METAP2: variants seen among roughly 807,000 people sequenced by gnomAD.
METAP2 encodes the protein methionyl aminopeptidase 2.
METAP2 carries 25 observed loss-of-function variants against 59.4 expected under a neutral mutation model. The ratio of observed to expected loss-of-function variants is 0.42; its 90% CI spans 0.31 to 0.59. METAP2 has a LOEUF of 0.59. Ranked by LOEUF, METAP2 falls within the 20% of genes least tolerant of loss-of-function variation. METAP2 has a pLI of 0.16. For synonymous variants in METAP2, 214 were observed against 194.1 expected (o/e 1.10, Z -0.85); for missense variants, 366 against 581.2 (o/e 0.63, Z 3.81).
chr12:95,498,072 G>A (rs1479573975), intron 7 of METAP2, among the ~76,000 whole-genome samples: 1 of 151,420 alleles, frequency 6.6e-6, no homozygotes, highest in Non-Finnish European at 1.5e-5. Context: ...GGCGGAGCTT[G>A]CAGTGAGCCG....
chr12:95,497,047 A>G (rs747607804), intron 7 of METAP2, among the ~76,000 whole-genome samples: 49 of 149,670 alleles, frequency 3.3e-4, no homozygotes, highest in Admixed American at 6.6e-4. Context: ...CTGGTCTCAA[A>G]CTCCTGATCT....
chr12:95,503,658 C>A (rs752553287), intron 7 of METAP2, among the ~76,000 whole-genome samples: 3 of 152,146 alleles, frequency 2.0e-5, no homozygotes, highest in Non-Finnish European at 4.4e-5. Flanking sequence ...CTCCCATACC[C>A]CCAAGCTGTG....
intron 4 of METAP2, among the ~76,000 whole-genome samples, chr12:95,492,731 AT>A (rs949848576): frequency 2.0e-5 from 3 of 151,642 alleles, no homozygotes; most frequent in Non-Finnish European, 4.4e-5. Context: ...CGCCCAGCTA[AT>A]TTTTTTTGGT....
rs150650104 is a variant in METAP2, at chr12:95,480,511, G to A, written c.260-2704G>A. Among the ~76,000 whole-genome samples, 17 of 152,224 alleles carry A rather than the reference G, an allele frequency of 1.1e-4. No homozygotes were observed. In the East Asian group the frequency reaches 2.7e-3, roughly 24 times the overall value. On this transcript the variant is annotated intron_variant, in intron 2 of 10. Coordinates refer to ENST00000323666, the MANE Select transcript of METAP2 (RefSeq NM_006838.4). ...AATGGTTGAGAGTTTCAGGTTGTTC[G>A]TATCCTTGTAAGGACTTGGTATTTG...
At chr12:95,486,340 A>C (rs951775332) in intron 4 of METAP2, among the ~76,000 whole-genome samples, 5 of 152,054 alleles carry the variant, frequency 3.3e-5, no homozygotes, top group African/African-American at 1.2e-4. Flanking sequence ...TTTCTGAGTG[A>C]TATAAGGGTT....
intron 1 of METAP2, among the ~76,000 whole-genome samples, chr12:95,474,900 T>A (rs578221013): frequency 3.9e-5 from 6 of 152,218 alleles, no homozygotes; most frequent in Admixed American, 1.3e-4. Context: ...ATTGCAGAAT[T>A]TGTGGTGGTG....
chr12:95,502,045 C>G (rs1815117123), intron 7 of METAP2, among the ~76,000 whole-genome samples: 1 of 149,852 alleles, frequency 6.7e-6, no homozygotes, highest in Non-Finnish European at 1.5e-5. Flanking sequence ...CTCTGTTGCC[C>G]AGGCTGGAGC....
chr12:95,505,117 TG>T (rs2076347944), intron 8 of METAP2, among the ~76,000 whole-genome samples: 2 of 152,348 alleles, frequency 1.3e-5, no homozygotes, highest in South Asian at 4.1e-4. Flanking sequence ...TGTCTCTCTT[TG>T]TAGACTGTGA....
chr12:95,474,456 G>A, intron 1 of METAP2, 126 bp downstream of exon 1: 1 of 1,028,800 alleles, frequency 9.7e-7, no homozygotes, highest in Non-Finnish European at 1.4e-6. Context: ...GGCCTGACAG[G>A]GTGGCAAAGC....
chr12:95,478,283 CTGT>C (rs1165893949), intron 2 of METAP2, among the ~76,000 whole-genome samples: 1 of 152,096 alleles, frequency 6.6e-6, no homozygotes, highest in Non-Finnish European at 1.5e-5. Context: ...TACTACTTAC[CTGT>C]TGTTAGGTCT....
rs1413320913 is a variant in METAP2 at position 95,474,204 on chromosome 12, G to A, written c.25G>A (p.Ala9Thr). Reference sequence around the variant, plus strand: ...CATGGCGGGTGTGGAGGAGGTAGCGGCCTCCGGGAGCCACCTGAATGGCGA... The same window carrying A: ...CATGGCGGGTGTGGAGGAGGTAGCGACCTCCGGGAGCCACCTGAATGGCGA... MAGVEEVA[A>T]SGSHLNGDLD... The change falls in exon 1 of 11, where the codon GCC becomes ACC. Residue 9 changes from alanine (A) to threonine (T), a missense_variant. Ala to Thr is a moderately conservative substitution (Grantham distance 58, BLOSUM62 0). Around this residue, in one of 4 missense-constraint regions of METAP2, gnomAD observed 177 missense variants for 180.3 expected, o/e 0.98. Transcript: ENST00000323666. 1 of 1,614,040 alleles carries A rather than the reference G, an allele frequency of 6.2e-7. No homozygotes were observed.
intron 2 of METAP2, among the ~76,000 whole-genome samples, chr12:95,476,991 A>G (rs921115780): frequency 1.3e-5 from 2 of 152,180 alleles, no homozygotes; most frequent in Admixed American, 1.3e-4. Flanking sequence ...CATTTTACAG[A>G]TAGGGAAGTG....
intron 4 of METAP2, among the ~76,000 whole-genome samples, chr12:95,487,590 A>AG (rs1427088493): frequency 1.8e-5 from 2 of 108,238 alleles, no homozygotes; most frequent in East Asian, 7.1e-4. Context: ...ATAATCTCTT[A>AG]ATTTTTTTTT....
At chr12:95,475,543 T>C (rs1393388276) in intron 1 of METAP2, among the ~76,000 whole-genome samples, 1 of 152,248 alleles carries the variant, frequency 6.6e-6, no homozygotes, top group Non-Finnish European at 1.5e-5. Context: ...ATTGCTCTTA[T>C]AGGTAGGTTA....
chr12:95,479,057 A>G (rs2076140729), intron 2 of METAP2, among the ~76,000 whole-genome samples: 2 of 152,194 alleles, frequency 1.3e-5, no homozygotes, highest in Admixed American at 1.3e-4. Context: ...AACCTGGGTA[A>G]CATAGTAAGA....
chr12:95,482,810 A>G (rs1373147091), intron 2 of METAP2, among the ~76,000 whole-genome samples: 5 of 152,154 alleles, frequency 3.3e-5, no homozygotes, highest in Admixed American at 1.3e-4. Flanking sequence ...AAAGAAAAGA[A>G]GTGGCAATTT....
chr12:95,495,972 A>C (rs768715383), intron 6 of METAP2, 32 bp from the exon 7 acceptor site: 2 of 1,289,908 alleles, frequency 1.6e-6, no homozygotes, highest in Non-Finnish European at 2.2e-6. Context: ...CTAGCTGATA[A>C]GTAAAATTAA....
rs768036456 is a variant in METAP2, at chr12:95,496,044, C to T, written c.813C>T (p.Pro271=). 3 of 1,599,838 alleles carry T rather than the reference C, an allele frequency of 1.9e-6. No individual in the cohort carries two copies. In the South Asian group the frequency reaches 3.3e-5, roughly 18 times the overall value. Residue 271 remains proline (P), a synonymous_variant, in exon 7 of 11, where the codon CCC becomes CCT. Coordinates refer to ENST00000323666, the MANE Select transcript of METAP2 (RefSeq NM_006838.4). ...IDCAFTVTFN[P]KYDTLLKAVK... ...GTGCTTTTACTGTCACTTTTAATCC[C>T]AAATATGATACGTTATTAAAAGCTG...
chr12:95,506,437 C>T (rs918909899), intron 8 of METAP2, among the ~76,000 whole-genome samples: 7 of 151,584 alleles, frequency 4.6e-5, no homozygotes, highest in African/African-American at 1.7e-4. Context: ...GCTGGGATTA[C>T]AGGCATGCGC....
Sources: allele counts gnomAD v4.1 joint callset (sites outside exome capture counted in the v4.1 genomes callset), GRCh38; gene constraint gnomAD v4.1.1; regional missense constraint gnomAD v4.1.1; transcripts MANE v1.5; gene names NCBI Gene and HGNC (gene_info 2026-07-23, HGNC 2026-07-21).